Variants in ERICH6B observed in about 807,000 individuals in gnomAD.
ERICH6B encodes glutamate-rich protein 6B.
In ERICH6B, 69 loss-of-function variants were observed where a neutral mutation model predicts 80.0. The observed-to-expected ratio is 0.86, with a 90% confidence interval of 0.71 to 1.05. The LOEUF (loss-of-function observed/expected upper bound fraction) is 1.05, where lower values mean the gene tolerates loss of function less well. Ranked by LOEUF, ERICH6B falls within the 50% of genes least tolerant of loss-of-function variation. The pLI, the probability that ERICH6B is intolerant of heterozygous loss-of-function variation, is 0.00. For missense variants in ERICH6B, 754 were observed against 796.1 expected (o/e 0.95, Z 0.64); for synonymous variants, 283 against 291.9 (o/e 0.97, Z 0.31).
At chr13:45,581,258 T>A (rs1438087337) in intron 5 of ERICH6B, among the ~76,000 whole-genome samples, 2 of 152,004 alleles carry the variant, frequency 1.3e-5, no homozygotes, top group Non-Finnish European at 2.9e-5. Flanking sequence ...AACTTTATGA[T>A]CCCTGTTCCT....
chr13:45,580,522 C>A, intron 6 of ERICH6B, 81 bp downstream of exon 6: 1 of 1,424,506 alleles, frequency 7.0e-7, no homozygotes, highest in South Asian at 1.2e-5. Context: ...TGGCTGGGGG[C>A]AGGCTAATTC....
chr13:45,571,060 C>T (rs1470349993), intron 8 of ERICH6B, among the ~76,000 whole-genome samples: 6 of 152,174 alleles, frequency 3.9e-5, no homozygotes, highest in East Asian at 1.9e-4. Context: ...TGCTTGGAGA[C>T]GTGCTGCTTT....
At chr13:45,546,578 T>C (rs1445832264) in intron 13 of ERICH6B, among the ~76,000 whole-genome samples, 1 of 152,194 alleles carries the variant, frequency 6.6e-6, no homozygotes, top group African/African-American at 2.4e-5. Context: ...GCACGTGTAC[T>C]TTTTCCCCAA....
intron 11 of ERICH6B, 71 bp from the exon 12 acceptor site, chr13:45,550,387 C>T (rs1298305762): frequency 3.1e-5 from 39 of 1,263,842 alleles, no homozygotes; most frequent in South Asian, 1.3e-4. Flanking sequence ...CTGCAGAGCA[C>T]GGTGTGGACC....
chr13:45,548,982 A>G (rs1874098673), intron 13 of ERICH6B, among the ~76,000 whole-genome samples: 2 of 152,180 alleles, frequency 1.3e-5, no homozygotes, highest in African/African-American at 4.8e-5. Flanking sequence ...AAGTTGATCC[A>G]AGATAATATA....
intron 11 of ERICH6B, among the ~76,000 whole-genome samples, chr13:45,558,746 A>G (rs1874538882): frequency 6.6e-6 from 1 of 152,168 alleles, no homozygotes; most frequent in African/African-American, 2.4e-5. Context: ...ATTGACTTGG[A>G]TATGGTAAAC....
chr13:45,597,865 C>T (rs554636312), intron 2 of ERICH6B, among the ~76,000 whole-genome samples: 88 of 152,196 alleles, frequency 5.8e-4, no homozygotes, highest in Admixed American at 1.2e-3. Flanking sequence ...TCTTCCACTC[C>T]TCCTCCTCTC....
chr13:45,597,793 G>A (rs929393351), intron 2 of ERICH6B, among the ~76,000 whole-genome samples: 9 of 152,132 alleles, frequency 5.9e-5, no homozygotes, highest in African/African-American at 1.9e-4. Flanking sequence ...TCTTCCAACA[G>A]TATAAGCTCC....
chr13:45,548,653 T>C lies in ERICH6B; in HGVS notation c.1646+1240A>G, dbSNP rs527547721. Among the ~76,000 whole-genome samples, 224 of 152,266 alleles carry C rather than the reference T, an allele frequency of 1.5e-3. 1 individual carries two copies. Among genetic ancestry groups the C allele is most frequent in the African/African-American group, 5.1e-3 (213 of 41,546 alleles). ...GTGCAGAGGGGCCGGGACATGCTGA[T>C]AGGACTGAGAGGGGGAGCTCTTCCC... On this transcript the variant is annotated intron_variant, in intron 13 of 14. Coordinates refer to ENST00000298738, the MANE Select transcript of ERICH6B (RefSeq NM_182542.3).
At chr13:45,545,416 G>A (rs975783657) in intron 13 of ERICH6B, among the ~76,000 whole-genome samples, 6 of 152,066 alleles carry the variant, frequency 3.9e-5, no homozygotes, top group Non-Finnish European at 4.4e-5. Flanking sequence ...TATAATTTAC[G>A]AATAGATATG....
intron 11 of ERICH6B, among the ~76,000 whole-genome samples, chr13:45,553,357 G>T (rs755371726): frequency 6.6e-6 from 1 of 152,100 alleles, no homozygotes; most frequent in East Asian, 1.9e-4. Flanking sequence ...TGTGGTCACT[G>T]GATGGGCTCA....
chr13:45,606,615 G>A (rs1949868501), intron 2 of ERICH6B, among the ~76,000 whole-genome samples: 1 of 138,936 alleles, frequency 7.2e-6, no homozygotes, highest in Non-Finnish European at 1.5e-5. Context: ...GTGCAGTGGT[G>A]TAATCTCGGC....
At chr13:45,579,484 C>G (rs191481257) in intron 7 of ERICH6B, among the ~76,000 whole-genome samples, 3 of 152,262 alleles carry the variant, frequency 2.0e-5, no homozygotes, top group Admixed American at 1.3e-4. Context: ...TCTTCCCCCT[C>G]GTAGGATTCA....
chr13:45,550,406 T>C (rs1223836598), intron 11 of ERICH6B, 90 bp from the exon 12 acceptor site: 4 of 1,074,012 alleles, frequency 3.7e-6, no homozygotes, highest in Non-Finnish European at 5.5e-6. Flanking sequence ...CCCCATCTGC[T>C]TGCTCTCCGA....
chr13:45,603,757 C>A (rs1335892756), intron 2 of ERICH6B, among the ~76,000 whole-genome samples: 1 of 152,228 alleles, frequency 6.6e-6, no homozygotes, highest in East Asian at 1.9e-4. Context: ...ACCTGCCATC[C>A]TTTCCCCTTT....
chr13:45,549,675 C>A (rs569966572), intron 13 of ERICH6B, among the ~76,000 whole-genome samples: 1 of 152,222 alleles, frequency 6.6e-6, no homozygotes, highest in Non-Finnish European at 1.5e-5. Context: ...GGAGCCTTGA[C>A]GGCTATTTCA....
intron 11 of ERICH6B, 69 bp from the exon 12 acceptor site, chr13:45,550,385 C>T: frequency 7.6e-7 from 1 of 1,319,922 alleles, no homozygotes; most frequent in Non-Finnish European, 1.1e-6. Context: ...TACTGCAGAG[C>T]ACGGTGTGGA....
Position 45,596,571 on chromosome 13 carries a change from A to T in ERICH6B, c.435T>A (p.Tyr145Ter). 1.3e-6 allele frequency: 2 copies of T among 1,547,078 alleles called. No homozygotes were observed. Among genetic ancestry groups the T allele is most frequent in the Non-Finnish European group, 1.7e-6 (2 of 1,143,606 alleles). Reference protein sequence around the residue: ...EEEEYLGKEGYLEKEDYIEEV... With the variant: ...EEEEYLGKEG ...CCTCAATATAATCTTCCTTCTCCAG[A>T]TACCCTTCCTTCCCCAGATACTCTT... Residue 145 changes from tyrosine (Y) to a stop codon, truncating the protein, a stop_gained, in exon 3 of 15, where the codon TAT (tyrosine) becomes TAA (stop). Coordinates refer to ENST00000298738, the MANE Select transcript of ERICH6B (RefSeq NM_182542.3). LOFTEE classifies it high-confidence loss of function.
At chr13:45,601,456 G>C (rs902233159) in intron 2 of ERICH6B, among the ~76,000 whole-genome samples, 7 of 152,114 alleles carry the variant, frequency 4.6e-5, no homozygotes, top group Non-Finnish European at 1.0e-4. Flanking sequence ...TTGACAGCCA[G>C]TCTGTCCAGC....
Sources: allele counts gnomAD v4.1 joint callset (sites outside exome capture counted in the v4.1 genomes callset), GRCh38; gene constraint gnomAD v4.1.1; transcripts MANE v1.5; gene names NCBI Gene and HGNC (gene_info 2026-07-23, HGNC 2026-07-21).